The following SH3BGRL variants were observed in gnomAD, a reference collection of about 807,000 sequenced individuals.
SH3BGRL encodes adapter SH3BGRL.
Under a neutral mutation model 9.8 loss-of-function variants are expected in SH3BGRL, and 7 were observed. The ratio of observed to expected loss-of-function variants is 0.72; its 90% CI spans 0.41 to 1.35. SH3BGRL has a LOEUF of 1.35. Among genes scored for constraint, SH3BGRL ranks in the 40% most tolerant of loss-of-function variants. SH3BGRL has a pLI of 0.01. For missense variants in SH3BGRL, 73 were observed against 84.4 expected (o/e 0.86, Z 0.53); for synonymous variants, 36 against 29.1 (o/e 1.24, Z -0.76).
At chrX:81,291,898 C>T (rs148535048) in intron 3 of SH3BGRL, among the ~76,000 whole-genome samples, 1,800 of 112,004 alleles carry the variant, frequency 0.016, 18 homozygotes, top group Middle Eastern at 0.028. Context: ...TGTCTCACAT[C>T]CAGGGCACAC....
At chrX:81,254,208 A>AT (rs2075718807) in intron 1 of SH3BGRL, among the ~76,000 whole-genome samples, 1 of 112,311 alleles carries the variant, frequency 8.9e-6, no homozygotes, top group African/African-American at 3.2e-5. Flanking sequence ...CCATAGAATT[A>AT]TATGACCCAA....
chrX:81,268,937 C>G (rs1429943865), intron 1 of SH3BGRL, among the ~76,000 whole-genome samples: 1 of 111,933 alleles, frequency 8.9e-6, no homozygotes, highest in African/African-American at 3.3e-5. Flanking sequence ...ATAGTTAGCT[C>G]TTCTTGTTGA....
intron 1 of SH3BGRL, among the ~76,000 whole-genome samples, chrX:81,240,544 G>A (rs2075665250): frequency 8.9e-6 from 1 of 111,810 alleles, no homozygotes. Context: ...ACTGAAGAGG[G>A]CTCCAAAAAA....
chrX:81,270,626 A>G (rs1024495830), intron 1 of SH3BGRL, among the ~76,000 whole-genome samples: 38 of 111,771 alleles, frequency 3.4e-4, no homozygotes, highest in African/African-American at 1.2e-3. Context: ...ACCCACCTGT[A>G]TGAGGTGTCT....
chrX:81,212,395 A>T (rs944911097), intron 1 of SH3BGRL, among the ~76,000 whole-genome samples: 1 of 111,546 alleles, frequency 9.0e-6, no homozygotes, highest in Non-Finnish European at 1.9e-5. Flanking sequence ...GTGTGACAAG[A>T]TCCAAAGTAA....
chrX:81,293,303 G>A (rs185720209), intron 3 of SH3BGRL, among the ~76,000 whole-genome samples: 127 of 111,471 alleles, frequency 1.1e-3, no homozygotes, highest in Non-Finnish European at 2.1e-3. Flanking sequence ...TCCCAGCCTC[G>A]GGTATGCCTT....
chrX:81,254,889 A>G (rs867954674), intron 1 of SH3BGRL, among the ~76,000 whole-genome samples: 1 of 107,515 alleles, frequency 9.3e-6, no homozygotes, highest in Non-Finnish European at 1.9e-5. Context: ...CTTCTTTCTT[A>G]AGTTTTTTTT....
Position 81,258,797 on chromosome X carries a change from C to T in SH3BGRL, c.46-18187C>T, listed in dbSNP as rs148345106. On this transcript the variant is annotated intron_variant, in intron 1 of 3. Coordinates refer to ENST00000373212, the MANE Select transcript of SH3BGRL (RefSeq NM_003022.3). ...GGACAGTGCCTTTCCTACAATAGAT[C>T]AGAGGCTATTCTCACAGGACATTTG... Among the ~76,000 whole-genome samples, 196 of 112,077 alleles carry T rather than the reference C, an allele frequency of 1.7e-3. 5 individuals carry two copies. The East Asian group carries it at 0.054, about 31-fold the overall frequency.
At chrX:81,235,960 G>A (rs5959087) in intron 1 of SH3BGRL, among the ~76,000 whole-genome samples, 20,589 of 110,880 alleles carry the variant, frequency 0.19, 1,688 homozygotes, top group East Asian at 0.69. Flanking sequence ...CACAATGTCT[G>A]GTCCTGACAT....
intron 1 of SH3BGRL, among the ~76,000 whole-genome samples, chrX:81,253,011 C>T (rs1416975203): frequency 8.9e-6 from 1 of 111,931 alleles, no homozygotes; most frequent in East Asian, 2.8e-4. Flanking sequence ...ATGTTATTTT[C>T]TTTTTTCAAC....
chrX:81,214,472 G>A (rs1209074646), intron 1 of SH3BGRL, among the ~76,000 whole-genome samples: 1 of 111,586 alleles, frequency 9.0e-6, no homozygotes, highest in Non-Finnish European at 1.9e-5. Context: ...GAAAAATCCT[G>A]TTTGTCTGTT....
At chrX:81,269,317 G>A (rs2075769039) in intron 1 of SH3BGRL, among the ~76,000 whole-genome samples, 1 of 111,543 alleles carries the variant, frequency 9.0e-6, no homozygotes, top group African/African-American at 3.3e-5. Flanking sequence ...AGCATTGATG[G>A]TCTTTATAAT....
At chrX:81,295,479 CT>C (rs1569372942) in intron 3 of SH3BGRL, among the ~76,000 whole-genome samples, 1 of 111,560 alleles carries the variant, frequency 9.0e-6, no homozygotes, top group East Asian at 2.8e-4. Context: ...ATTCTGAGGT[CT>C]CCCCAGCCAT....
intron 1 of SH3BGRL, among the ~76,000 whole-genome samples, chrX:81,259,661 G>A (rs1243062589): frequency 8.9e-6 from 1 of 111,851 alleles, no homozygotes; most frequent in Non-Finnish European, 1.9e-5. Context: ...AGTGTGATTT[G>A]TTTCAAGGAA....
intron 1 of SH3BGRL, among the ~76,000 whole-genome samples, chrX:81,234,912 G>A (rs1183166385): frequency 9.0e-6 from 1 of 111,707 alleles, no homozygotes; most frequent in African/African-American, 3.2e-5. Flanking sequence ...AGACATCTGG[G>A]TTTCCATACA....
intron 3 of SH3BGRL, among the ~76,000 whole-genome samples, chrX:81,291,525 G>A (rs1181553283): frequency 9.0e-6 from 1 of 111,704 alleles, no homozygotes; most frequent in Non-Finnish European, 1.9e-5. Flanking sequence ...GGGTGGGGAT[G>A]CAGAGCTGAA....
intron 3 of SH3BGRL, among the ~76,000 whole-genome samples, chrX:81,285,208 T>C (rs1474571617): frequency 9.0e-6 from 1 of 111,497 alleles, no homozygotes; most frequent in Non-Finnish European, 1.9e-5. Flanking sequence ...GAACAGAAAG[T>C]ATACTAAATA....
chrX:81,223,794 G>C (rs2075608326), intron 1 of SH3BGRL, among the ~76,000 whole-genome samples: 1 of 110,893 alleles, frequency 9.0e-6, no homozygotes, highest in Non-Finnish European at 1.9e-5. Context: ...TCCAACTTCT[G>C]GGCTCAAGCA....
intron 1 of SH3BGRL, among the ~76,000 whole-genome samples, chrX:81,267,241 A>G (rs984113616): frequency 7.2e-5 from 8 of 111,484 alleles, no homozygotes; most frequent in Non-Finnish European, 1.5e-4. Context: ...TTCCAATACT[A>G]TGTTGAATAG....
Sources: gnomAD v4.1 joint callset for allele counts (sites outside exome capture counted in the v4.1 genomes callset) on GRCh38, gnomAD v4.1.1 for gene constraint, MANE v1.5 for transcripts, NCBI Gene and HGNC (gene_info 2026-07-23, HGNC 2026-07-21) for gene names.